Variants in PLEKHG1 observed in about 807,000 individuals in gnomAD.
PLEKHG1 encodes pleckstrin homology and RhoGEF domain containing G1.
In PLEKHG1, 44 loss-of-function variants were observed where a neutral mutation model predicts 100.8. The ratio of observed to expected loss-of-function variants is 0.44; its 90% CI spans 0.34 to 0.56. PLEKHG1 has a LOEUF of 0.56. PLEKHG1 is among the 20% of genes least tolerant of loss of function. The pLI is 0.01. For synonymous variants in PLEKHG1, 640 were observed against 662.5 expected (o/e 0.97, Z 0.52); for missense variants, 1,545 against 1,720.9 (o/e 0.90, Z 1.81).
chr6:150,656,878 A>G (rs1778991786), intron 3 of PLEKHG1, among the ~76,000 whole-genome samples: 1 of 152,196 alleles, frequency 6.6e-6, no homozygotes, highest in Admixed American at 6.5e-5. Flanking sequence ...GTTCTATACA[A>G]TATACCATTC....
upstream of PLEKHG1, among the ~76,000 whole-genome samples, chr6:150,720,400 A>G (rs1781616650): frequency 6.6e-6 from 1 of 152,226 alleles, no homozygotes; most frequent in Non-Finnish European, 1.5e-5. Flanking sequence ...CTTAGTATTT[A>G]TGAATATATA....
chr6:150,829,170 G>A (rs891998848), intron 14 of PLEKHG1, among the ~76,000 whole-genome samples: 1 of 152,034 alleles, frequency 6.6e-6, no homozygotes, highest in Non-Finnish European at 1.5e-5. Context: ...TATGTCTCTG[G>A]TACTAATTAG....
intron 3 of PLEKHG1, among the ~76,000 whole-genome samples, chr6:150,778,299 T>C (rs1785106896): frequency 6.6e-6 from 1 of 152,176 alleles, no homozygotes; most frequent in African/African-American, 2.4e-5. Context: ...GGCTAATTTT[T>C]GTATTTTTAG....
At chr6:150,615,463 G>GC (rs1777033126) in intron 1 of PLEKHG1, among the ~76,000 whole-genome samples, 1 of 152,002 alleles carries the variant, frequency 6.6e-6, no homozygotes, top group African/African-American at 2.4e-5. Context: ...CTCTCCCTTG[G>GC]CCTTCTTTAC....
rs538078820 is a variant in PLEKHG1, at chr6:150,706,633, A to T, written c.-98-26951A>T. 7.9e-5 allele frequency among the ~76,000 whole-genome samples: 12 copies of T among 151,574 alleles called. No individual in the cohort carries two copies. The South Asian group carries it at 2.3e-3, about 29-fold the overall frequency. On this transcript the variant is annotated intron_variant, in intron 3 of 3. Transcript: ENST00000367326. The stretch of plus-strand genomic sequence containing the variant: ...TGTCTCAAAAAAAAAAAAATCAAAA[A>T]CAAAAACAAAACAGGAACTATGACA...
chr6:150,839,943 AGGTCT>A lies in PLEKHG1; in HGVS notation c.3207_3211del (p.Arg1069SerfsTer10), dbSNP rs1283143963. ...CAGCCCTCAAGAATCCTCCCTCCTG[AGGTCT>A]GTGTCACCTTCCCAGGTCCACCATG... On this transcript the variant is annotated frameshift_variant, in exon 16 of 16. Coordinates refer to ENST00000358517, the Ensembl canonical transcript of PLEKHG1. LOFTEE classifies it low-confidence loss of function (END_TRUNC). 1 of 1,613,822 alleles carries A rather than the reference AGGTCT, an allele frequency of 6.2e-7. No individual in the cohort carries two copies. Among genetic ancestry groups the A allele is most frequent in the Non-Finnish European group, 8.5e-7 (1 of 1,179,850 alleles).
At position 150,815,574 on chromosome 6, in the gene PLEKHG1, A is replaced by C. The variant is rs184619582; in HGVS notation, c.1279-2609A>C. On this transcript the variant is annotated intron_variant, in intron 10 of 15. Coordinates refer to ENST00000358517, the Ensembl canonical transcript of PLEKHG1. ...GACTGAGCTAACATTTGTGTTTGCA[A>C]GTAATTTCAACTCATAATCTCAAAC... Among the ~76,000 whole-genome samples, 520 of 152,356 alleles carry C rather than the reference A, an allele frequency of 3.4e-3. 3 individuals carry two copies. Among genetic ancestry groups the C allele is most frequent in the Middle Eastern group, 0.014 (4 of 294 alleles).
chr6:150,603,711 G>A (rs944106188), intron 1 of PLEKHG1, among the ~76,000 whole-genome samples: 2 of 151,144 alleles, frequency 1.3e-5, no homozygotes, highest in African/African-American at 4.9e-5. Context: ...CACTTTTTCT[G>A]ATGAGATACA....
intron 3 of PLEKHG1, among the ~76,000 whole-genome samples, chr6:150,701,902 A>C (rs1780805762): frequency 6.6e-6 from 1 of 152,178 alleles, no homozygotes; most frequent in African/African-American, 2.4e-5. Flanking sequence ...ATGTTGACCA[A>C]GCATTATGTC....
exon 10 of PLEKHG1, chr6:150,809,713 T>C (rs1787373434): frequency 6.2e-6 from 10 of 1,613,724 alleles, no homozygotes; most frequent in Non-Finnish European, 8.5e-6. Context: ...TGGAGAACCA[T>C]GCAGCCAAGA....
rs141305621 is a variant in PLEKHG1, at chr6:150,761,704, T to C, written c.412-6934T>C. Among the ~76,000 whole-genome samples the C allele has an allele frequency of 9.8e-5, 15 of 152,356 alleles. No homozygotes were observed. In the East Asian group the frequency reaches 2.9e-3, roughly 29 times the overall value. On this transcript the variant is annotated intron_variant, in intron 2 of 15. Transcript: ENST00000358517. ...CTAATTCTATTTCTTAATTTCTTGT[T>C]CATAGATGTGTTTTTGCTTAAAGTC...
chr6:150,816,227 G>GGAAATGGAA (rs1369434320), intron 10 of PLEKHG1, among the ~76,000 whole-genome samples: 1 of 150,810 alleles, frequency 6.6e-6, no homozygotes, highest in Non-Finnish European at 1.5e-5. Flanking sequence ...ATAGGATGTT[G>GGAAATGGAA]GAAATGGAAG....
chr6:150,839,936 C>T (rs1168771881), exon 16 of PLEKHG1: 1 of 1,613,288 alleles, frequency 6.2e-7, no homozygotes. Flanking sequence ...AAGAATCCTC[C>T]CTCCTGAGGT....
At chr6:150,821,705 TTAAAA>T (rs1238750695) in intron 13 of PLEKHG1, among the ~76,000 whole-genome samples, 1 of 151,694 alleles carries the variant, frequency 6.6e-6, no homozygotes, top group African/African-American at 2.4e-5. Flanking sequence ...ATAATAAAAT[TTAAAA>T]TAAAATATAC....
exon 16 of PLEKHG1, chr6:150,841,096 A>C: frequency 1.5e-6 from 1 of 688,358 alleles, no homozygotes; most frequent in Non-Finnish European, 2.6e-6. Context: ...TGTTGGCATC[A>C]ACAGTATATT....
At chr6:150,801,705 G>T (rs994098524) in intron 6 of PLEKHG1, among the ~76,000 whole-genome samples, 1 of 151,958 alleles carries the variant, frequency 6.6e-6, no homozygotes, top group African/African-American at 2.4e-5. Flanking sequence ...CTCCCAAAGT[G>T]CTGGGATTAC....
chr6:150,840,501 T>G, exon 16 of PLEKHG1: 1 of 1,614,130 alleles, frequency 6.2e-7, no homozygotes, highest in Non-Finnish European at 8.5e-7. Flanking sequence ...CAATAGAAAT[T>G]TACCCTTAAA....
exon 1 of PLEKHG1, chr6:150,599,974 G>T: frequency 4.3e-6 from 1 of 230,862 alleles, no homozygotes; most frequent in South Asian, 4.0e-5. Context: ...CTCCCCGCCC[G>T]ACCTGCGAGC....
At chr6:150,809,474 C>A (rs1380935589) in exon 9 of PLEKHG1, 2 of 1,612,548 alleles carry the variant, frequency 1.2e-6, no homozygotes, top group East Asian at 4.5e-5. Flanking sequence ...GCACACAGTC[C>A]AGGTAGCAGC....
Sources: allele counts gnomAD v4.1 joint callset (sites outside exome capture counted in the v4.1 genomes callset), GRCh38; gene constraint gnomAD v4.1.1; transcripts MANE v1.5; gene names NCBI Gene and HGNC (gene_info 2026-07-23, HGNC 2026-07-21).